NCKAP5L: variants seen among roughly 807,000 people sequenced by gnomAD.
NCKAP5L encodes nck-associated protein 5-like.
In NCKAP5L, 54 loss-of-function variants were observed where a neutral mutation model predicts 103.2. The ratio of observed to expected loss-of-function variants is 0.52; its 90% CI spans 0.42 to 0.66. The LOEUF (loss-of-function observed/expected upper bound fraction) is 0.66, where lower values mean the gene tolerates loss of function less well. Among genes scored for constraint, NCKAP5L ranks in the 30% least tolerant of loss-of-function variants. The probability of loss-of-function intolerance (pLI) is 0.00; values close to 1 mark genes in which losing one functional copy is unlikely to be tolerated. For synonymous variants in NCKAP5L, 762 were observed against 748.6 expected (o/e 1.02, Z -0.29); for missense variants, 1,733 against 1,750.6 (o/e 0.99, Z 0.18).
Position 49,796,967 on chromosome 12 carries a change from G to C in NCKAP5L, c.893C>G (p.Ser298Cys). ...SGPNCAPGSS[S>C]SSSSDEAGDP... ...ACCTGCCTCATCAGAAGAGGAGGAG[G>C]AGCTGCTGCCTGGGGCACAGTTTGG... Residue 298 changes from serine to cysteine, a missense_variant, in exon 8 of 13, where the codon TCC becomes TGC. Coordinates refer to ENST00000335999, the MANE Select transcript of NCKAP5L (RefSeq NM_001037806.4). 6.2e-7 allele frequency: 1 copy of C among 1,602,156 alleles called. No individual in the cohort carries two copies. Among genetic ancestry groups the C allele is most frequent in the Non-Finnish European group, 8.5e-7 (1 of 1,175,000 alleles).
At chr12:49,798,594 G>A (rs1372748110) in intron 6 of NCKAP5L, 131 bp from the exon 7 acceptor site, 2 of 748,914 alleles carry the variant, frequency 2.7e-6, no homozygotes, top group Admixed American at 5.1e-5. Context: ...CCCAAATGCA[G>A]CTCTTGCTGC....
At position 49,795,086 on chromosome 12, in the gene NCKAP5L, T is replaced by C. The variant is rs998589681; in HGVS notation, c.2774A>G (p.Lys925Arg). Residue 925 changes from lysine to arginine, a missense_variant, in exon 8 of 13, where the codon AAG (lysine) becomes AGG (arginine). Coordinates refer to ENST00000335999, the MANE Select transcript of NCKAP5L (RefSeq NM_001037806.4). ...GCGGTTCAGCGCTGGCAGCTTGCTCTTCTTAAGGCCGAACCAGCTGGCGAT... is the reference window on the plus strand; with the variant it reads ...GCGGTTCAGCGCTGGCAGCTTGCTCCTCTTAAGGCCGAACCAGCTGGCGAT... Reference protein sequence around the residue: ...SSIASWFGLKKSKLPALNRRT... With the variant: ...SSIASWFGLKRSKLPALNRRT... 6.2e-7 allele frequency: 1 copy of C among 1,612,894 alleles called. No individual in the cohort carries two copies. The highest frequency in any genetic ancestry group is 8.5e-7 in the Non-Finnish European group (1 of 1,179,620).
Position 49,820,587 on chromosome 12 carries a change from T to C in NCKAP5L, c.-99+7735A>G, listed in dbSNP as rs568795619. ...ACCTTGGCCTCCCAAAGTGCTGGGA[T>C]TACAGGCGTGAGCCACTGCACCCAG... On this transcript the variant is annotated intron_variant, in intron 1 of 12. Coordinates refer to ENST00000335999, the MANE Select transcript of NCKAP5L (RefSeq NM_001037806.4). 2.6e-4 allele frequency among the ~76,000 whole-genome samples: 40 copies of C among 152,330 alleles called. No homozygotes were observed. The South Asian group carries it at 8.1e-3, about 31-fold the overall frequency.
rs1394406800 is a variant in NCKAP5L, at chr12:49,795,827, G to C, written c.2033C>G (p.Ala678Gly). The C allele has an allele frequency of 6.4e-7, 1 of 1,566,546 alleles. No homozygotes were observed. The highest frequency in any genetic ancestry group is 1.4e-5 in the African/African-American group (1 of 73,346). The change falls in exon 8 of 13, where the codon GCC becomes GGC. Residue 678 changes from alanine (A) to glycine (G), a missense_variant. By Grantham distance (60) the Ala-to-Gly change is moderately conservative (BLOSUM62 0). Transcript: ENST00000335999. ...CACCCCATTCTTCTCTGAGCCCAGG[G>C]CCCCCTCGGGGCCTGTCTTCAGCTT... The part of the protein sequence containing the change: ...LGKLKTGPEG[A>G]LGSEKNGVPA...
At chr12:49,815,080 T>C (rs1946282691) in intron 1 of NCKAP5L, among the ~76,000 whole-genome samples, 1 of 152,262 alleles carries the variant, frequency 6.6e-6, no homozygotes, top group African/African-American at 2.4e-5. Context: ...CCTGGTGATG[T>C]TTTAACCTCA....
chr12:49,804,226 G>A lies in NCKAP5L; in HGVS notation c.-36-146C>T, dbSNP rs996529944. On this transcript the variant is annotated intron_variant, in intron 2 of 12. Coordinates refer to ENST00000335999, the MANE Select transcript of NCKAP5L (RefSeq NM_001037806.4). ...CTGGGTATCTCCTGGTCACGGTCAC[G>A]GGGCAGACAACACAGATACTCTCCT... The A allele has an allele frequency of 1.0e-4, 65 of 638,520 alleles. No homozygotes were observed. The East Asian group carries it at 1.3e-3, about 13-fold the overall frequency. 39.6% of individuals were successfully genotyped at this position (638,520 alleles called of 1,614,324 possible).
rs79236348 is a variant in NCKAP5L, at chr12:49,806,386, T to A, written c.-98-345A>T. Among the ~76,000 whole-genome samples the A allele has an allele frequency of 3.7e-3, 568 of 152,388 alleles. 3 individuals are homozygous for A. Among genetic ancestry groups the A allele is most frequent in the African/African-American group, 0.013 (555 of 41,594 alleles). ...TACTTTACAACCCGGTTCTACAACA[T>A]ACATTGTCTTGCCTCGTGCTCAACA... On this transcript the variant is annotated intron_variant, in intron 1 of 12. Transcript: ENST00000335999.
chr12:49,808,647 A>C (rs2137022142), intron 1 of NCKAP5L, among the ~76,000 whole-genome samples: 1 of 152,226 alleles, frequency 6.6e-6, no homozygotes, highest in Non-Finnish European at 1.5e-5. Context: ...CCTGCCTCTC[A>C]TGGGGGATGC....
intron 1 of NCKAP5L, among the ~76,000 whole-genome samples, chr12:49,825,420 G>T (rs955253098): frequency 6.6e-6 from 1 of 152,184 alleles, no homozygotes. Context: ...GAGAGATGCA[G>T]CTCTGGTGAC....
rs772124077 is a variant in NCKAP5L at position 49,803,093 on chromosome 12, A to C, written c.192+4T>G. ...CCCCCCAGTCCCACTACAGACCCACAGACCTCGTCCAGACAGCGCTCATAA... is the reference window on the plus strand; with the variant it reads ...CCCCCCAGTCCCACTACAGACCCACCGACCTCGTCCAGACAGCGCTCATAA... On this transcript the variant is annotated splice_donor_region_variant and intron_variant, in intron 4 of 12. Transcript: ENST00000335999. The C allele has an allele frequency of 6.2e-7, 1 of 1,614,256 alleles. No homozygotes were observed. Among genetic ancestry groups the C allele is most frequent in the Non-Finnish European group, 8.5e-7 (1 of 1,180,042 alleles).
chr12:49,809,420 C>T (rs1946215802), intron 1 of NCKAP5L, among the ~76,000 whole-genome samples: 1 of 152,138 alleles, frequency 6.6e-6, no homozygotes, highest in African/African-American at 2.4e-5. Context: ...CCTGGTGAGC[C>T]CCTCATTCAC....
chr12:49,814,018 G>T (rs1468591421), intron 1 of NCKAP5L, among the ~76,000 whole-genome samples: 1 of 151,830 alleles, frequency 6.6e-6, no homozygotes, highest in Non-Finnish European at 1.5e-5. Context: ...TTGCCATACT[G>T]CCCAGGCTGA....
chr12:49,824,537 G>A (rs572207801), intron 1 of NCKAP5L, among the ~76,000 whole-genome samples: 5 of 152,242 alleles, frequency 3.3e-5, no homozygotes, highest in African/African-American at 1.2e-4. Flanking sequence ...TCCAGTTGGC[G>A]TCTGCCCTCC....
chr12:49,794,995 C>T lies in NCKAP5L; in HGVS notation c.2865G>A (p.Lys955=), dbSNP rs199512021. 1.5e-5 allele frequency: 24 copies of T among 1,596,934 alleles called. No individual in the cohort carries two copies. The Admixed American group carries it at 3.0e-4, about 20-fold the overall frequency. Residue 955 remains lysine, a synonymous_variant, in exon 8 of 13, where the codon AAG becomes AAA. Coordinates refer to ENST00000335999, the MANE Select transcript of NCKAP5L (RefSeq NM_001037806.4). ...CGGCCTCCAGCTTCCGGGCTTCCAT[C>T]TTGACTTCCCTCCGGAGCGGGGAGC... ...GGGSPLRREV[K]MEARKLEAES... is the part of the protein sequence containing the mutation.
intron 1 of NCKAP5L, among the ~76,000 whole-genome samples, chr12:49,812,895 AAAAATGGTACAG>A (rs149723013): frequency 0.021 from 3,171 of 152,298 alleles, 89 homozygotes; most frequent in East Asian, 0.14. Context: ...CCCTTATATA[AAAAATGGTACAG>A]TATTTGCATA....
At chr12:49,802,832 C>A in intron 5 of NCKAP5L, 126 bp downstream of exon 5, 3 of 1,184,270 alleles carry the variant, frequency 2.5e-6, no homozygotes, top group Non-Finnish European at 3.5e-6. Context: ...AGAATGGACC[C>A]GCCCAAGGCG....
intron 1 of NCKAP5L, among the ~76,000 whole-genome samples, chr12:49,819,761 G>T (rs1946340662): frequency 6.6e-6 from 1 of 152,244 alleles, no homozygotes; most frequent in African/African-American, 2.4e-5. Context: ...CATAAGAGGA[G>T]TCTTTTGAAG....
chr12:49,825,331 T>C (rs1014144355), intron 1 of NCKAP5L, among the ~76,000 whole-genome samples: 1 of 152,040 alleles, frequency 6.6e-6, no homozygotes, highest in African/African-American at 2.4e-5. Context: ...CGGGTGAGGG[T>C]TGTCGAAGGA....
Position 49,792,972 on chromosome 12 carries a change from T to C in NCKAP5L, c.3355A>G (p.Thr1119Ala). The C allele has an allele frequency of 6.5e-7, 1 of 1,545,166 alleles. No individual in the cohort carries two copies. The highest frequency in any genetic ancestry group is 8.7e-7 in the Non-Finnish European group (1 of 1,153,464). ...TSHFTACGSL[T>A]RTLDSGIGTF... ...CCAATGCCACTGTCCAAGGTTCGAG[T>C]CAAGGAGCCACAGGCTGGGGAGGGG... Residue 1119 changes from threonine (T) to alanine (A), a missense_variant, in exon 11 of 13, where the codon ACT (threonine) becomes GCT (alanine). Coordinates refer to ENST00000335999, the MANE Select transcript of NCKAP5L (RefSeq NM_001037806.4). This position sits in a 1 kb window ranked among gnomAD's most constrained non-coding sequence, Gnocchi z 4.5.
Sources: allele counts gnomAD v4.1 joint callset (sites outside exome capture counted in the v4.1 genomes callset), GRCh38; gene constraint gnomAD v4.1.1; non-coding constraint Gnocchi (gnomAD v3.1); transcripts MANE v1.5; gene names NCBI Gene and HGNC (gene_info 2026-07-23, HGNC 2026-07-21).